The following NEGR1 variants were observed in gnomAD, a reference collection of about 807,000 sequenced individuals.
NEGR1 encodes IgLON family member 4.
Under a neutral mutation model 40.9 loss-of-function variants are expected in NEGR1, and 10 were observed. The observed-to-expected ratio is 0.24, with a 90% CI of 0.15 to 0.42. The LOEUF (loss-of-function observed/expected upper bound fraction) is 0.42, where lower values mean the gene tolerates loss of function less well. Ranked by LOEUF, NEGR1 falls within the 10% of genes least tolerant of loss-of-function variation. NEGR1 has a pLI of 1.00. For missense variants in NEGR1, 352 were observed against 438.9 expected (o/e 0.80, Z 1.77); for synonymous variants, 185 against 166.8 (o/e 1.11, Z -0.84).
intron 1 of NEGR1, among the ~76,000 whole-genome samples, chr1:72,038,256 T>C (rs887494848): frequency 6.6e-6 from 1 of 152,050 alleles, no homozygotes; most frequent in African/African-American, 2.4e-5. Context: ...TTGGTAAGGA[T>C]AAATATCTAC....
At chr1:71,636,309 G>T (rs1651149506) in intron 4 of NEGR1, among the ~76,000 whole-genome samples, 2 of 151,928 alleles carry the variant, frequency 1.3e-5, no homozygotes, top group Non-Finnish European at 1.5e-5. Context: ...ATAATCTGGA[G>T]GTTCTTTAAT....
intron 2 of NEGR1, among the ~76,000 whole-genome samples, chr1:71,827,045 G>C (rs1570401043): frequency 6.6e-6 from 1 of 151,880 alleles, no homozygotes; most frequent in Middle Eastern, 3.4e-3. Context: ...TTTGCTAAGA[G>C]CAGTTGCCAC....
chr1:71,830,483 G>A (rs1308159422), intron 2 of NEGR1, among the ~76,000 whole-genome samples: 1 of 151,810 alleles, frequency 6.6e-6, no homozygotes, highest in Admixed American at 6.6e-5. Context: ...CCGTGCGTCA[G>A]ACTTGGCCTA....
intron 6 of NEGR1, among the ~76,000 whole-genome samples, chr1:71,485,713 T>G (rs2101377739): frequency 6.6e-6 from 1 of 151,832 alleles, no homozygotes; most frequent in South Asian, 2.1e-4. Flanking sequence ...GACTGTCTTC[T>G]TTCACTTAAT....
intron 6 of NEGR1, among the ~76,000 whole-genome samples, chr1:71,570,549 TTA>T (rs1648777212): frequency 1.3e-5 from 2 of 152,310 alleles, no homozygotes; most frequent in East Asian, 3.9e-4. Flanking sequence ...AGTACTTTTC[TTA>T]TTTGTTAATG....
chr1:72,129,500 C>T (rs1650161609), intron 1 of NEGR1, among the ~76,000 whole-genome samples: 1 of 151,990 alleles, frequency 6.6e-6, no homozygotes, highest in South Asian at 2.1e-4. Flanking sequence ...AGTGGGACCA[C>T]AAGTGGAGAG....
At chr1:71,716,201 C>T (rs77337096) in intron 3 of NEGR1, among the ~76,000 whole-genome samples, 4,647 of 152,042 alleles carry the variant, frequency 0.031, 110 homozygotes, top group African/African-American at 0.054. Flanking sequence ...CTCAGTATCA[C>T]GAGAATAGCA....
intron 1 of NEGR1, among the ~76,000 whole-genome samples, chr1:72,001,195 A>G (rs1398520146): frequency 6.6e-6 from 1 of 151,962 alleles, no homozygotes; most frequent in Non-Finnish European, 1.5e-5. Flanking sequence ...TCAACTGTGA[A>G]ATGGCAACCA....
intron 6 of NEGR1, among the ~76,000 whole-genome samples, chr1:71,422,222 T>C (rs1474387030): frequency 6.6e-6 from 1 of 152,142 alleles, no homozygotes; most frequent in Non-Finnish European, 1.5e-5. Context: ...CAGTAATAAA[T>C]TTTCAGGATT....
intron 2 of NEGR1, among the ~76,000 whole-genome samples, chr1:71,887,829 T>G (rs888043416): frequency 2.6e-5 from 4 of 152,170 alleles, no homozygotes; most frequent in Non-Finnish European, 2.9e-5. Context: ...GCAATATATA[T>G]TCTCCTGAAA....
At chr1:72,260,795 C>A (rs1336937898) in intron 1 of NEGR1, among the ~76,000 whole-genome samples, 1 of 151,930 alleles carries the variant, frequency 6.6e-6, no homozygotes, top group East Asian at 1.9e-4. Context: ...ATAAGGAAAC[C>A]AAATTCTTAA....
intron 6 of NEGR1, among the ~76,000 whole-genome samples, chr1:71,462,242 G>T (rs1034455687): frequency 2.6e-5 from 4 of 152,128 alleles, no homozygotes; most frequent in African/African-American, 9.7e-5. Context: ...GCCTAAATTT[G>T]TTAGAGATGC....
At chr1:71,960,987 A>G (rs961956286) in intron 1 of NEGR1, among the ~76,000 whole-genome samples, 2 of 152,166 alleles carry the variant, frequency 1.3e-5, no homozygotes, top group Admixed American at 1.3e-4. Context: ...GGTTTGTATA[A>G]TTTGATAATT....
chr1:72,184,470 G>A (rs1464329338), intron 1 of NEGR1, among the ~76,000 whole-genome samples: 1 of 152,014 alleles, frequency 6.6e-6, no homozygotes, highest in Non-Finnish European at 1.5e-5. Flanking sequence ...CTAAGAGAGA[G>A]TATAATGAAT....
At chr1:72,225,227 T>A (rs1412105601) in intron 1 of NEGR1, among the ~76,000 whole-genome samples, 1 of 151,872 alleles carries the variant, frequency 6.6e-6, no homozygotes, top group Non-Finnish European at 1.5e-5. Context: ...AGTAAAAAAA[T>A]GACAATTTTA....
At chr1:71,536,687 T>G (rs891430136) in intron 6 of NEGR1, among the ~76,000 whole-genome samples, 5 of 151,778 alleles carry the variant, frequency 3.3e-5, no homozygotes, top group African/African-American at 1.2e-4. Context: ...ACAGTTCTGA[T>G]TCATGTAAAA....
intron 1 of NEGR1, among the ~76,000 whole-genome samples, chr1:72,217,050 A>G (rs1022561489): frequency 3.3e-5 from 5 of 151,716 alleles, no homozygotes; most frequent in Admixed American, 2.0e-4. Context: ...TATATCTTCT[A>G]TAAATTATAT....
chr1:71,780,296 G>A (rs1169432740), intron 2 of NEGR1, among the ~76,000 whole-genome samples: 1 of 152,132 alleles, frequency 6.6e-6, no homozygotes. Context: ...ACCTAGGGCA[G>A]AGTTATAAAG....
chr1:71,623,975 A>C (rs749727371), intron 4 of NEGR1, among the ~76,000 whole-genome samples: 7 of 151,900 alleles, frequency 4.6e-5, no homozygotes, highest in Non-Finnish European at 8.8e-5. Context: ...TAAATTATTA[A>C]AGAATATGTT....
Sources: gnomAD v4.1 joint callset for allele counts (sites outside exome capture counted in the v4.1 genomes callset) on GRCh38, gnomAD v4.1.1 for gene constraint, MANE v1.5 for transcripts, NCBI Gene and HGNC (gene_info 2026-07-23, HGNC 2026-07-21) for gene names.